BAIAP3: variants seen among roughly 807,000 people sequenced by gnomAD.
BAIAP3 encodes the protein BAI1 associated protein 3, also known as BAI1-associated protein 3.
BAIAP3 carries 180 observed loss-of-function variants against 149.7 expected under a neutral mutation model. The observed-to-expected ratio is 1.20, with a 90% confidence interval of 1.07 to 1.36. The LOEUF (loss-of-function observed/expected upper bound fraction) is 1.36, where lower values mean the gene tolerates loss of function less well. Ranked by LOEUF, BAIAP3 falls within the 40% of genes most tolerant of loss-of-function variation. The probability of loss-of-function intolerance (pLI) is 0.00; values close to 1 mark genes in which losing one functional copy is unlikely to be tolerated. For synonymous variants in BAIAP3, 845 were observed against 670.7 expected, an observed-to-expected ratio of 1.26 and a Z score of -4.02; for missense variants, 1,767 against 1,563.4, an observed-to-expected ratio of 1.13 and a Z score of -2.20.
rs772746263 is a variant in BAIAP3, at chr16:1,348,399, C to T, written c.3376C>T (p.Leu1126=). The change falls in exon 34 of 34, where the codon CTG becomes TTG. Residue 1126 remains leucine, a synonymous_variant. Transcript: ENST00000426824. ...RAQVRSALRR[L]EGRTSKEAQE... ...TGCAGTGAGATCTGCGCTGAGGAGG[C>T]TGGAAGGCCGCACCAGCAAGGAGGC... is the stretch of plus-strand genomic sequence containing the variant. 2 of 1,612,648 alleles carry T rather than the reference C, an allele frequency of 1.2e-6. No homozygotes were observed. The highest frequency in any genetic ancestry group is 1.7e-4 in the Middle Eastern group (1 of 6,044).
intron 10 of BAIAP3, 59 bp downstream of exon 10, chr16:1,342,122 C>A: frequency 4.5e-6 from 7 of 1,567,912 alleles, no homozygotes; most frequent in Non-Finnish European, 6.1e-6. Flanking sequence ...TCATGGGGCC[C>A]GGCGGGCAGT....
At chr16:1,336,644 G>A (rs569612702) in intron 1 of BAIAP3, among the ~76,000 whole-genome samples, 2 of 152,306 alleles carry the variant, frequency 1.3e-5, no homozygotes, top group East Asian at 1.9e-4. Flanking sequence ...GACAAAGTCC[G>A]TTTGGAACCC....
rs776889227 is a variant in BAIAP3, at chr16:1,349,387, C to G, written c.*905C>G. On this transcript the variant is annotated 3_prime_UTR_variant, in exon 34 of 34. Coordinates refer to ENST00000426824, the MANE Select transcript of BAIAP3 (RefSeq NM_001199097.2). ...CCAGGCCCATTTATGTCCCTCATGT[C>G]TCTAGATTTTCTCGTCACCCAGCCT... 3 of 1,608,296 alleles carry G rather than the reference C, an allele frequency of 1.9e-6. No homozygotes were observed. Among genetic ancestry groups the G allele is most frequent in the African/African-American group, 1.3e-5 (1 of 74,854 alleles).
In BAIAP3 at chr16:1,333,685, G is replaced by T. The variant is rs1022531806; in HGVS notation, c.-75G>T. 1 of 151,316 alleles carries T rather than the reference G, an allele frequency of 6.6e-6. No individual in the cohort carries two copies. The highest frequency in any genetic ancestry group is 1.5e-5 in the Non-Finnish European group (1 of 67,874). 9.4% of individuals were successfully genotyped at this position (151,316 alleles called of 1,614,324 possible). ...CGGCTGGGAGCGGTAGCTGTGCCTCGGCGTCCCCGAGCTGGTGCCGAGCGC... is the reference window on the plus strand; with the variant it reads ...CGGCTGGGAGCGGTAGCTGTGCCTCTGCGTCCCCGAGCTGGTGCCGAGCGC... On this transcript the variant is annotated 5_prime_UTR_variant, in exon 1 of 34. Coordinates refer to ENST00000426824, the MANE Select transcript of BAIAP3 (RefSeq NM_001199097.2).
Position 1,342,727 on chromosome 16 carries a change from G to A in BAIAP3, c.1074G>A (p.Thr358=), listed in dbSNP as rs756051833. ...TGGGCTCTGCGTTGCAGAGGGATAC[G>A]GCCATGAGCCAGCGCGGGCGATCCG... ...VLKLITTQRD[T]AMSQRGRSGF... is the part of the protein sequence containing the mutation. The change falls in exon 13 of 34, where the codon ACG becomes ACA. Residue 358 remains threonine (T), a synonymous_variant. Transcript: ENST00000426824. 2 of 1,612,442 alleles carry A rather than the reference G, an allele frequency of 1.2e-6. No homozygotes were observed. Among genetic ancestry groups the A allele is most frequent in the South Asian group, 2.2e-5 (2 of 91,054 alleles).
At position 1,341,514 on chromosome 16, in the gene BAIAP3, C is replaced by T. The variant is rs199748898; in HGVS notation, c.731+25C>T. The stretch of plus-strand genomic sequence containing the variant: ...TGTGAGGCCCTCGCCCGTCTGGGTG[C>T]GGGAGGGGGGCTCTGCCTGGGGTCC... On this transcript the variant is annotated intron_variant, in intron 8 of 33. Coordinates refer to ENST00000426824, the MANE Select transcript of BAIAP3 (RefSeq NM_001199097.2). 998 of 1,591,644 alleles carry T rather than the reference C, an allele frequency of 6.3e-4. 4 individuals are homozygous for T. In the African/African-American group the frequency reaches 0.011, roughly 17 times the overall value.
rs768985853 is a variant in BAIAP3, at chr16:1,348,093, C to A, written c.3150-3C>A. On this transcript the variant is annotated splice_polypyrimidine_tract_variant and splice_region_variant and intron_variant, in intron 32 of 33. Transcript: ENST00000426824. ...GAGACTCCCGACTGGCCTCTGTCCG[C>A]AGTTCCGTGCCTGCCGAGGCGTGCC... The A allele has an allele frequency of 6.2e-7, 1 of 1,602,132 alleles. No homozygotes were observed. The highest frequency in any genetic ancestry group is 1.1e-5 in the South Asian group (1 of 91,008).
At position 1,339,597 on chromosome 16, in the gene BAIAP3, C is replaced by G. The variant is rs770027564; in HGVS notation, c.402C>G (p.Leu134=). The part of the protein sequence containing the change: ...VDDEEALLSY[L]QQVFGTSLEE... Reference sequence around the variant, plus strand: ...ACGAGGAGGCCCTGCTCAGCTATCTCCAGCAGGTCAGCCCACCCTGACCCC... The same window carrying G: ...ACGAGGAGGCCCTGCTCAGCTATCTGCAGCAGGTCAGCCCACCCTGACCCC... The change falls in exon 5 of 34, where the codon CTC becomes CTG. Residue 134 remains leucine (L), a synonymous_variant. Coordinates refer to ENST00000426824, the MANE Select transcript of BAIAP3 (RefSeq NM_001199097.2). The G allele has an allele frequency of 6.2e-7, 1 of 1,611,272 alleles. No individual in the cohort carries two copies. The highest frequency in any genetic ancestry group is 8.5e-7 in the Non-Finnish European group (1 of 1,179,254).
In BAIAP3 at chr16:1,347,534, T is replaced by TC. The variant is rs2034462276; in HGVS notation, c.2824-6dup. The TC allele has an allele frequency of 1.3e-6, 2 of 1,599,124 alleles. No homozygotes were observed. The highest frequency in any genetic ancestry group is 1.3e-5 in the African/African-American group (1 of 74,478). ...ACCCAGGGGCCCCTCCTGATGCGCT[T>TC]CCCCCTGCAGAGGCTGAAGGAGGAG... On this transcript the variant is annotated splice_polypyrimidine_tract_variant and intron_variant, in intron 29 of 33. Coordinates refer to ENST00000426824, the MANE Select transcript of BAIAP3 (RefSeq NM_001199097.2).
Position 1,342,631 on chromosome 16 carries a change from G to T in BAIAP3, c.1062G>T (p.Thr354=), listed in dbSNP as rs146826887. ...HCHLVLKLIT[T]QRDTAMSQRG... Reference sequence around the variant, plus strand: ...ACCTGGTTCTCAAGCTGATCACTACGCAGGTGGGGAAAGTGGGCGTCCCCG... The same window carrying T: ...ACCTGGTTCTCAAGCTGATCACTACTCAGGTGGGGAAAGTGGGCGTCCCCG... The change falls in exon 12 of 34, where the codon ACG becomes ACT. Residue 354 remains threonine, a synonymous_variant. Transcript: ENST00000426824. The T allele has an allele frequency of 1.0e-5, 16 of 1,586,602 alleles. No individual in the cohort carries two copies. Among genetic ancestry groups the T allele is most frequent in the African/African-American group, 1.3e-5 (1 of 74,440 alleles).
rs1377177903 is a variant in BAIAP3 at position 1,340,922 on chromosome 16, G to A, written c.409G>A (p.Val137Met). The A allele has an allele frequency of 3.8e-6, 6 of 1,570,194 alleles. No homozygotes were observed. Among genetic ancestry groups the A allele is most frequent in the Non-Finnish European group, 4.3e-6 (5 of 1,158,000 alleles). ...CTGCCAACCCAGCCACCCTCCACAG[G>A]TGTTTGGCACCAGCCTTGAGGAGCA... ...EEALLSYLQQ[V>M]FGTSLEEHTE... Residue 137 changes from valine to methionine, a missense_variant and splice_region_variant, in exon 6 of 34, where the codon GTG becomes ATG. Transcript: ENST00000426824.
chr16:1,341,346 G>A lies in BAIAP3; in HGVS notation c.588G>A (p.Thr196=), dbSNP rs746418572. The A allele has an allele frequency of 4.3e-6, 7 of 1,611,918 alleles. No homozygotes were observed. In the African/African-American group the frequency reaches 5.3e-5, roughly 12 times the overall value. ...GCATCCTGCCTGCCTCGGACGCCACGCGGGAGCCCCGTGCACAGAAGGAGC... is the reference window on the plus strand; with the variant it reads ...GCATCCTGCCTGCCTCGGACGCCACACGGGAGCCCCGTGCACAGAAGGAGC... ...MLGILPASDA[T]REPRAQKEQR... Residue 196 remains threonine, a synonymous_variant, in exon 8 of 34, where the codon ACG becomes ACA. Coordinates refer to ENST00000426824, the MANE Select transcript of BAIAP3 (RefSeq NM_001199097.2).
chr16:1,342,963 C>G lies in BAIAP3; in HGVS notation c.1212C>G (p.Ile404Met). The G allele has an allele frequency of 6.2e-7, 1 of 1,612,020 alleles. No homozygotes were observed. The highest frequency in any genetic ancestry group is 8.5e-7 in the Non-Finnish European group (1 of 1,179,994). The change falls in exon 14 of 34, where the codon ATC becomes ATG. Residue 404 changes from isoleucine to methionine, a missense_variant. Physicochemically the swap from Ile to Met is conservative, Grantham distance 10. Coordinates refer to ENST00000426824, the MANE Select transcript of BAIAP3 (RefSeq NM_001199097.2). ...AGCTCAGCACACCAGCCGCCACCAT[C>G]CTCTGCCTGCACGGAGCCCAGAGCA... Reference protein sequence around the residue: ...RGELSTPAATILCLHGAQSNL... With the variant: ...RGELSTPAATMLCLHGAQSNL...
At chr16:1,343,157 C>A in intron 14 of BAIAP3, 141 bp downstream of exon 14, 1 of 1,111,424 alleles carries the variant, frequency 9.0e-7, no homozygotes, top group African/African-American at 1.5e-5. Flanking sequence ...TGGGGCTGCG[C>A]TGATTGGGCG....
At chr16:1,341,555 C>A in intron 8 of BAIAP3, 66 bp downstream of exon 8, 1 of 1,539,384 alleles carries the variant, frequency 6.5e-7, no homozygotes, top group Non-Finnish European at 8.8e-7. Flanking sequence ...TGGGCTGTGC[C>A]TGGAGGGTGG....
chr16:1,338,456 C>A, intron 1 of BAIAP3, 84 bp from the exon 2 acceptor site: 1 of 146,414 alleles, frequency 6.8e-6, no homozygotes, highest in South Asian at 2.2e-4. Flanking sequence ...TCTTCCCGCC[C>A]CACCCCCCCA....
intron 5 of BAIAP3, among the ~76,000 whole-genome samples, chr16:1,340,122 CAG>C (rs1292070187): frequency 1.4e-5 from 2 of 147,100 alleles, no homozygotes; most frequent in Admixed American, 6.7e-5. Context: ...CAGGTGCACA[CAG>C]ATGCACAGGC....
intron 3 of BAIAP3, 75 bp from the exon 4 acceptor site, chr16:1,339,089 C>T (rs765712831): frequency 1.2e-4 from 192 of 1,591,380 alleles, no homozygotes; most frequent in Non-Finnish European, 1.5e-4. Context: ...CCTCCTGGGG[C>T]ACCACCTGTC....
intron 22 of BAIAP3, 178 bp from the exon 23 acceptor site, chr16:1,345,569 T>A: frequency 3.4e-6 from 1 of 296,186 alleles, no homozygotes; most frequent in Non-Finnish European, 5.4e-6. Context: ...AACCCCAGCC[T>A]CCTCAGCAAC....
Sources: allele counts gnomAD v4.1 joint callset (sites outside exome capture counted in the v4.1 genomes callset), GRCh38; gene constraint gnomAD v4.1.1; transcripts MANE v1.5; gene names NCBI Gene and HGNC (gene_info 2026-07-23, HGNC 2026-07-21).